The following DSCAM variants were observed in gnomAD, a reference collection of about 807,000 sequenced individuals.
DSCAM encodes cell adhesion molecule DSCAM.
In DSCAM, 47 loss-of-function variants were observed where a neutral mutation model predicts 217.7. That is an observed-to-expected ratio of 0.22 (90% CI 0.17 to 0.28). The LOEUF (loss-of-function observed/expected upper bound fraction) is 0.28. DSCAM is among the 10% of genes least tolerant of loss of function. The pLI is 1.00. For missense variants in DSCAM, 2,080 were observed against 2,618.3 expected (o/e 0.79, Z 4.49); for synonymous variants, 1,056 against 1,015.3 (o/e 1.04, Z -0.76).
In DSCAM at chr21:40,221,483, T is replaced by C. The variant is rs989446018; in HGVS notation, c.2357-32245A>G. 2.3e-4 allele frequency among the ~76,000 whole-genome samples: 34 copies of C among 148,750 alleles called. 1 individual carries two copies. The highest frequency in any genetic ancestry group is 8.9e-5 in the Non-Finnish European group (6 of 67,370). ...ATATGATATGCATAATATAAAATAA[T>C]ACATATTATATATAATATACATATA... is the stretch of plus-strand genomic sequence containing the variant. On this transcript the variant is annotated intron_variant, in intron 11 of 32. Coordinates refer to ENST00000400454, the MANE Select transcript of DSCAM (RefSeq NM_001389.5).
At chr21:40,574,706 ATTTTT>A (rs35778831) in intron 3 of DSCAM, among the ~76,000 whole-genome samples, 8 of 127,636 alleles carry the variant, frequency 6.3e-5, no homozygotes, top group African/African-American at 2.9e-5. Context: ...AAGGTGCCTG[ATTTTT>A]TTTTTTTTTT....
At chr21:40,300,812 C>T (rs1298660356) in intron 9 of DSCAM, among the ~76,000 whole-genome samples, 1 of 152,162 alleles carries the variant, frequency 6.6e-6, no homozygotes, top group African/African-American at 2.4e-5. Context: ...GATTCTGACT[C>T]AGTACATCTG....
At chr21:40,137,993 A>G (rs1175414964) in intron 18 of DSCAM, among the ~76,000 whole-genome samples, 3 of 152,206 alleles carry the variant, frequency 2.0e-5, no homozygotes, top group Non-Finnish European at 2.9e-5. Context: ...CTTTCCTAGC[A>G]ATCTCAAATA....
intron 3 of DSCAM, among the ~76,000 whole-genome samples, chr21:40,375,244 T>G (rs2074938400): frequency 6.6e-6 from 1 of 152,232 alleles, no homozygotes. Flanking sequence ...TCAAACTCTC[T>G]GTGTCCACTT....
chr21:40,395,341 T>C (rs1162540820), intron 3 of DSCAM, among the ~76,000 whole-genome samples: 1 of 152,054 alleles, frequency 6.6e-6, no homozygotes, highest in Non-Finnish European at 1.5e-5. Flanking sequence ...TTCTGTATTT[T>C]TTTTTTTCTT....
intron 11 of DSCAM, among the ~76,000 whole-genome samples, chr21:40,197,264 G>A (rs2091021616): frequency 6.6e-6 from 1 of 152,000 alleles, no homozygotes; most frequent in Admixed American, 6.6e-5. Context: ...GACTACAGGC[G>A]CCCACAACCA....
chr21:40,036,802 A>G (rs983093525), intron 32 of DSCAM, among the ~76,000 whole-genome samples: 23 of 147,742 alleles, frequency 1.6e-4, no homozygotes, highest in African/African-American at 5.5e-4. Flanking sequence ...GCAGCACATC[A>G]AAAAGCTTAT....
rs61569827 is a variant in DSCAM at position 40,822,318 on chromosome 21, CAAAAAAAAAAAAA to C, written c.43+24288_43+24300del. ...TGGGTGACAGAGTGAGATCTTTTCT[CAAAAAAAAAAAAA>C]AAAAAAAAAAAAAAAGTCTTTTTAG... On this transcript the variant is annotated intron_variant, in intron 1 of 32. Coordinates refer to ENST00000400454, the MANE Select transcript of DSCAM (RefSeq NM_001389.5). Among the ~76,000 whole-genome samples the C allele has an allele frequency of 3.2e-3, 184 of 57,854 alleles. 2 individuals are homozygous for C. Among genetic ancestry groups the C allele is most frequent in the South Asian group, 0.026 (24 of 940 alleles). The allele number at this position is 57,854 out of a possible 152,430, so 38.0% of individuals were successfully genotyped here.
At position 40,626,454 on chromosome 21, in the gene DSCAM, C is replaced by CT. The variant is rs1186136025; in HGVS notation, c.508+66355dup. 2.0e-5 allele frequency among the ~76,000 whole-genome samples: 3 copies of CT among 152,338 alleles called. No homozygotes were observed. In the East Asian group the frequency reaches 5.8e-4, roughly 29 times the overall value. ...AAGTGTGATCTTCTTCACCCACCCA[C>CT]TGTGTCAAACCCTATGTTATACTCC... On this transcript the variant is annotated intron_variant, in intron 3 of 32. Coordinates refer to ENST00000400454, the MANE Select transcript of DSCAM (RefSeq NM_001389.5).
At chr21:40,353,396 G>A in intron 5 of DSCAM, 69 bp downstream of exon 5, 1 of 1,567,138 alleles carries the variant, frequency 6.4e-7, no homozygotes, top group South Asian at 1.2e-5. Context: ...AAAACATGGA[G>A]ATTTGCTTAT....
rs574749491 is a variant in DSCAM at position 40,691,979 on chromosome 21, CAT to C, written c.508+829_508+830del. Among the ~76,000 whole-genome samples, 133 of 152,348 alleles carry C rather than the reference CAT, an allele frequency of 8.7e-4. 1 individual carries two copies. The highest frequency in any genetic ancestry group is 3.0e-3 in the African/African-American group (123 of 41,582). ...GTTGCTTAGTCAAGAAGTCTGTTAA[CAT>C]GTGTGTTGTGCGTGTGTGCACCCGC... On this transcript the variant is annotated intron_variant, in intron 3 of 32. Transcript: ENST00000400454.
chr21:40,605,945 C>T (rs531283021), intron 3 of DSCAM, among the ~76,000 whole-genome samples: 1 of 151,756 alleles, frequency 6.6e-6, no homozygotes. Context: ...GGATTACAGG[C>T]ATGTGCCACC....
At chr21:40,515,279 A>T (rs937917831) in intron 3 of DSCAM, among the ~76,000 whole-genome samples, 1 of 152,200 alleles carries the variant, frequency 6.6e-6, no homozygotes, top group Non-Finnish European at 1.5e-5. Context: ...TTTTGAAAAA[A>T]ATATATAAAC....
chr21:40,078,536 C>T lies in DSCAM; in HGVS notation c.4711+151G>A, dbSNP rs2089401829. The T allele has an allele frequency of 6.0e-6, 6 of 1,000,650 alleles. No individual in the cohort carries two copies. The Admixed American group carries it at 1.4e-4, about 24-fold the overall frequency. The allele number at this position is 1,000,650 out of a possible 1,614,324, so 62.0% of individuals were successfully genotyped here. A position where few individuals can be genotyped will look rare whatever the true frequency, so the allele number is the denominator to read the frequency against. ...CTGGATATAACGAACTAGGGAGCCC[C>T]AGACAGAGTCCATTGAATCCCGAAA... On this transcript the variant is annotated intron_variant, in intron 26 of 32. Transcript: ENST00000400454.
intron 3 of DSCAM, among the ~76,000 whole-genome samples, chr21:40,420,485 T>C (rs2075413037): frequency 6.6e-6 from 1 of 152,092 alleles, no homozygotes; most frequent in South Asian, 2.1e-4. Context: ...AAGTCAAACT[T>C]TATGGAGCAA....
At chr21:40,237,877 T>C (rs562334522) in intron 11 of DSCAM, among the ~76,000 whole-genome samples, 2 of 152,190 alleles carry the variant, frequency 1.3e-5, no homozygotes, top group Non-Finnish European at 2.9e-5. Flanking sequence ...GTGATGACAC[T>C]GGGCCTGCCT....
rs79056574 is a variant in DSCAM at position 40,021,992 on chromosome 21, C to T, written c.5687-8606G>A. 8.7e-4 allele frequency among the ~76,000 whole-genome samples: 133 copies of T among 152,292 alleles called. No homozygotes were observed. In the East Asian group the frequency reaches 0.023, roughly 27 times the overall value. ...AATTTTCTCAATCTATTCAGACACA[C>T]GCAAGGTTTGAATGTATTTCAGTTC... is the stretch of plus-strand genomic sequence containing the variant. On this transcript the variant is annotated intron_variant, in intron 32 of 32. Transcript: ENST00000400454.
At chr21:40,391,051 A>G (rs2075129528) in intron 3 of DSCAM, among the ~76,000 whole-genome samples, 2 of 151,996 alleles carry the variant, frequency 1.3e-5, no homozygotes, top group African/African-American at 2.4e-5. Context: ...CTATGGAAAA[A>G]TATTTCAAGG....
intron 3 of DSCAM, among the ~76,000 whole-genome samples, chr21:40,552,821 A>G (rs1279802631): frequency 6.6e-6 from 1 of 152,250 alleles, no homozygotes; most frequent in African/African-American, 2.4e-5. Flanking sequence ...TTTTGAGACT[A>G]CAATTACATG....
Sources: allele counts gnomAD v4.1 joint callset (sites outside exome capture counted in the v4.1 genomes callset), GRCh38; gene constraint gnomAD v4.1.1; transcripts MANE v1.5; gene names NCBI Gene and HGNC (gene_info 2026-07-23, HGNC 2026-07-21).